Variants in INSL6 observed in about 807,000 individuals in gnomAD.
INSL6 encodes insulin like 6, also known as insulin-like peptide INSL6.
A neutral mutation model predicts 9.4 loss-of-function variants in INSL6; 16 were observed. That is an observed-to-expected ratio of 1.70 (90% CI 1.15 to 2.59). INSL6 has a LOEUF of 2.59. Among genes scored for constraint, INSL6 ranks in the 30% most tolerant of loss-of-function variants. The pLI is 0.00. For missense variants in INSL6, 391 were observed against 257.3 expected, an observed-to-expected ratio of 1.52 and a Z score of -3.56; for synonymous variants, 154 against 96.9, an observed-to-expected ratio of 1.59 and a Z score of -3.46.
chr9:4,998,912 C>G, the INSL6 span, among the ~76,000 whole-genome samples: 1 of 152,058 alleles, frequency 6.6e-6, no homozygotes, highest in Non-Finnish European at 1.5e-5. Context: ...AGCTCCGCCT[C>G]CCGGGTTCAC....
the INSL6 span, among the ~76,000 whole-genome samples, chr9:5,016,127 G>T: frequency 6.6e-5 from 10 of 152,306 alleles, no homozygotes; most frequent in East Asian, 1.9e-3. Context: ...ACTATTGGAA[G>T]GGGAACCTCC....
chr9:5,124,135 A>G (rs987678887), exon 4 of INSL6, among the ~76,000 whole-genome samples: 1 of 151,732 alleles, frequency 6.6e-6, no homozygotes, highest in African/African-American at 2.4e-5. Context: ...AAAGTTTGCA[A>G]ATATTTTCTC....
At chr9:5,081,641 T>C in the INSL6 span, 1 of 910,466 alleles carries the variant, frequency 1.1e-6, no homozygotes, top group Non-Finnish European at 1.7e-6. Context: ...CTCACGATTA[T>C]TTTGGTCAAC....
At chr9:5,162,226 T>A (rs774216434), downstream of INSL6, among the ~76,000 whole-genome samples, 2 of 151,730 alleles carry the variant, frequency 1.3e-5, no homozygotes, top group Non-Finnish European at 2.9e-5. Flanking sequence ...TATCTCAGAT[T>A]TTTTTTTTCA....
chr9:5,171,440 C>G (rs556133124), intron 1 of INSL6, among the ~76,000 whole-genome samples: 1 of 152,280 alleles, frequency 6.6e-6, no homozygotes, highest in South Asian at 2.1e-4. Context: ...AGGATGCCCT[C>G]TCATCACTCC....
intron 3 of INSL6, among the ~76,000 whole-genome samples, chr9:5,132,542 T>C (rs918036241): frequency 2.1e-5 from 3 of 145,106 alleles, no homozygotes; most frequent in Non-Finnish European, 2.9e-5. Context: ...TAAAACATTT[T>C]TTCTTTTTCT....
chr9:5,025,344 C>G, the INSL6 span, among the ~76,000 whole-genome samples: 1 of 152,130 alleles, frequency 6.6e-6, no homozygotes, highest in Admixed American at 6.5e-5. Context: ...GGTCTATTCT[C>G]TGTGATAGTA....
chr9:5,089,036 G>A, the INSL6 span, among the ~76,000 whole-genome samples: 4 of 152,328 alleles, frequency 2.6e-5, no homozygotes, highest in East Asian at 7.7e-4. Context: ...ATTCTTCCTG[G>A]AAGTTAGTGA....
chr9:5,157,756 C>T (rs1003977121), intron 2 of INSL6, among the ~76,000 whole-genome samples: 2 of 152,094 alleles, frequency 1.3e-5, no homozygotes, highest in Non-Finnish European at 1.5e-5. Flanking sequence ...GGGAAGACTA[C>T]AATAAATACC....
the INSL6 span, among the ~76,000 whole-genome samples, chr9:5,104,574 G>T: frequency 0.27 from 40,938 of 151,998 alleles, 5,758 homozygotes; most frequent in African/African-American, 0.35. Context: ...GCCAGCATCA[G>T]CCCGATACCA....
chr9:5,042,432 C>T, the INSL6 span, among the ~76,000 whole-genome samples: 15 of 152,280 alleles, frequency 9.9e-5, no homozygotes, highest in East Asian at 1.9e-3. Context: ...CCACCGCGCC[C>T]GGCCAAGACT....
chr9:5,165,180 C>A (rs1484962132), intron 1 of INSL6, among the ~76,000 whole-genome samples: 1 of 151,974 alleles, frequency 6.6e-6, no homozygotes. Flanking sequence ...CACTGCACTC[C>A]GGTCTAGGTG....
the INSL6 span, among the ~76,000 whole-genome samples, chr9:5,022,892 G>A: frequency 6.6e-6 from 1 of 152,110 alleles, no homozygotes; most frequent in Non-Finnish European, 1.5e-5. Flanking sequence ...GATTTTATTT[G>A]TAGAGGCAAA....
intron 2 of INSL6, among the ~76,000 whole-genome samples, chr9:5,142,728 G>A (rs1474164998): frequency 2.0e-5 from 3 of 152,076 alleles, no homozygotes; most frequent in Non-Finnish European, 1.5e-5. Flanking sequence ...AGAACTTCCA[G>A]TACTATGTTG....
At chr9:5,114,301 G>C in the INSL6 span, 4 of 542,264 alleles carry the variant, frequency 7.4e-6, no homozygotes, top group South Asian at 3.2e-5. Context: ...AAGCTGACTT[G>C]GTCCCAGGCC....
chr9:5,067,603 C>G, the INSL6 span, among the ~76,000 whole-genome samples: 1 of 151,898 alleles, frequency 6.6e-6, no homozygotes, highest in African/African-American at 2.4e-5. Context: ...TTCAAAGTAT[C>G]CTGTTACTAT....
At chr9:5,037,807 GTAAC>G in the INSL6 span, among the ~76,000 whole-genome samples, 1 of 152,104 alleles carries the variant, frequency 6.6e-6, no homozygotes, top group Non-Finnish European at 1.5e-5. Flanking sequence ...GTATACATAT[GTAAC>G]TAACCTGCAT....
the INSL6 span, chr9:5,090,529 G>C: frequency 2.5e-6 from 4 of 1,596,148 alleles, no homozygotes; most frequent in Non-Finnish European, 3.4e-6. Flanking sequence ...AGAACGGATA[G>C]ATCACATAAA....
the INSL6 span, among the ~76,000 whole-genome samples, chr9:5,061,794 G>C: frequency 1.3e-5 from 2 of 152,270 alleles, no homozygotes; most frequent in South Asian, 4.1e-4. Context: ...TTCAGCGTGT[G>C]TTGGCTTTCA....
Sources: allele counts gnomAD v4.1 joint callset (sites outside exome capture counted in the v4.1 genomes callset), GRCh38; gene constraint gnomAD v4.1.1; transcripts MANE v1.5; gene names NCBI Gene and HGNC (gene_info 2026-07-23, HGNC 2026-07-21).